C16orf92: variants seen among roughly 807,000 people sequenced by gnomAD.
C16orf92 encodes the protein fertilization-influencing membrane protein 1, also known as fertilization-influencing membrane protein.
In C16orf92, 14 loss-of-function variants were observed where a neutral mutation model predicts 13.7. The observed-to-expected ratio is 1.02, with a 90% CI of 0.67 to 1.60. The LOEUF (loss-of-function observed/expected upper bound fraction) is 1.60. Among genes scored for constraint, C16orf92 ranks in the 40% most tolerant of loss-of-function variants. The pLI is 0.00. For missense variants in C16orf92, 116 were observed against 139.0 expected (o/e 0.83, Z 0.83); for synonymous variants, 50 against 57.4 (o/e 0.87, Z 0.58).
Position 30,024,064 on chromosome 16 carries a change from C to T in C16orf92, c.289C>T (p.Leu97Phe), listed in dbSNP as rs780476731. 6.2e-7 allele frequency: 1 copy of T among 1,613,788 alleles called. No homozygotes were observed. Among genetic ancestry groups the T allele is most frequent in the Non-Finnish European group, 8.5e-7 (1 of 1,179,720 alleles). The change falls in exon 3 of 4, where the codon CTT becomes TTT. Residue 97 changes from leucine to phenylalanine, a missense_variant. Leu to Phe is a conservative substitution (Grantham distance 22). Transcript: ENST00000681219. ...GLLVVAFFFLLFQFCTHINFQ... is the reference protein window; with the variant it reads ...GLLVVAFFFLFFQFCTHINFQ... The stretch of plus-strand genomic sequence containing the variant: ...GCTGGTGGTGGCGTTCTTCTTTCTC[C>T]TTTTCCAGTTCTGCACCCACATGTA...
downstream of C16orf92, chr16:30,025,866 G>A (rs2071106809): frequency 1.3e-6 from 2 of 1,503,780 alleles, no homozygotes; most frequent in African/African-American, 1.4e-5. This position sits in a 1 kb window ranked among gnomAD's most constrained non-coding sequence, Gnocchi z 4.1. Flanking sequence ...CTCTCCCTGG[G>A]TTCTTGGGCA....
downstream of C16orf92, among the ~76,000 whole-genome samples, chr16:30,026,142 G>A (rs2071123391): frequency 6.6e-6 from 1 of 152,136 alleles, no homozygotes; most frequent in Admixed American, 6.5e-5. Context: ...GGCTGAGATG[G>A]GAGAATCACT....
chr16:30,026,232 C>T (rs1361606243), downstream of C16orf92, among the ~76,000 whole-genome samples: 2 of 150,894 alleles, frequency 1.3e-5, no homozygotes, highest in Non-Finnish European at 3.0e-5. Flanking sequence ...GAGACTCCGT[C>T]TTGGAAAGAA....
chr16:30,026,783 G>A (rs146783989), downstream of C16orf92: 9 of 1,614,054 alleles, frequency 5.6e-6, no homozygotes, highest in South Asian at 2.2e-5. Context: ...GGAACATGGC[G>A]TAGATGTCGT....
In C16orf92 at chr16:30,023,384, C is replaced by CACT. The variant is rs2070943579; in HGVS notation, c.46_48dup (p.Leu16dup). ...GTGCTGGTGTGGGTGTGGCTGGCTG[C>CACT]ACTAGGGGCCATAGAAACTGGTAAG... On this transcript the variant is annotated inframe_insertion, in exon 1 of 4. Transcript: ENST00000681219. 1.2e-6 allele frequency: 2 copies of CACT among 1,611,118 alleles called. No individual in the cohort carries two copies. The highest frequency in any genetic ancestry group is 2.2e-5 in the South Asian group (2 of 90,382).
downstream of C16orf92, chr16:30,024,736 C>T (rs2071018900): frequency 5.3e-6 from 1 of 189,310 alleles, no homozygotes; most frequent in Non-Finnish European, 1.1e-5. Flanking sequence ...GCCGTGGTTG[C>T]AGCCGGCCAC....
At chr16:30,026,604 C>A, downstream of C16orf92, 2 of 1,612,220 alleles carry the variant, frequency 1.2e-6, no homozygotes, top group Non-Finnish European at 1.7e-6. Context: ...CTCCCCGGGA[C>A]TCACCACTGA....
downstream of C16orf92, chr16:30,025,153 T>TGGGGAG (rs903705852): frequency 3.2e-5 from 41 of 1,283,286 alleles, no homozygotes; most frequent in East Asian, 2.2e-4. This position sits in a 1 kb window ranked among gnomAD's most constrained non-coding sequence, Gnocchi z 4.1. Flanking sequence ...GGGGTGGGGG[T>TGGGGAG]GGGGAGGGGG....
Position 30,024,398 on chromosome 16 carries a change from C to T in C16orf92, c.*171C>T, listed in dbSNP as rs2150968982. ...GCCCCCCACCTCCTCCCTTCCCAGCCCCAAAGAACTTGGTGGCAAGGGCCT... is the reference window on the plus strand; with the variant it reads ...GCCCCCCACCTCCTCCCTTCCCAGCTCCAAAGAACTTGGTGGCAAGGGCCT... On this transcript the variant is annotated 3_prime_UTR_variant, in exon 4 of 4. Coordinates refer to ENST00000681219, the MANE Select transcript of C16orf92 (RefSeq NM_001109659.2). The T allele has an allele frequency of 1.1e-6, 1 of 939,616 alleles. No individual in the cohort carries two copies. The highest frequency in any genetic ancestry group is 1.7e-5 in the African/African-American group (1 of 60,046). 58.2% of individuals were successfully genotyped at this position (939,616 alleles called of 1,614,324 possible).
chr16:30,024,303 C>T lies in C16orf92; in HGVS notation c.*76C>T. The T allele has an allele frequency of 6.5e-7, 1 of 1,538,314 alleles. No homozygotes were observed. Among genetic ancestry groups the T allele is most frequent in the South Asian group, 1.1e-5 (1 of 88,092 alleles). ...TCTCCTGTTGATGAGCAAAAGTTCCCTGCTTTCCTCCTCCCTGACTGCCCA... is the reference window on the plus strand; with the variant it reads ...TCTCCTGTTGATGAGCAAAAGTTCCTTGCTTTCCTCCTCCCTGACTGCCCA... On this transcript the variant is annotated 3_prime_UTR_variant, in exon 4 of 4. Coordinates refer to ENST00000681219, the MANE Select transcript of C16orf92 (RefSeq NM_001109659.2).
In C16orf92 at chr16:30,024,198, C is replaced by A. The variant is rs954444169; in HGVS notation, c.312-8C>A. 7 of 1,613,934 alleles carry A rather than the reference C, an allele frequency of 4.3e-6. No individual in the cohort carries two copies. Among genetic ancestry groups the A allele is most frequent in the Non-Finnish European group, 5.9e-6 (7 of 1,179,912 alleles). On this transcript the variant is annotated splice_polypyrimidine_tract_variant and splice_region_variant and intron_variant, in intron 3 of 3. Coordinates refer to ENST00000681219, the MANE Select transcript of C16orf92 (RefSeq NM_001109659.2). Reference sequence around the variant, plus strand: ...TGACCTCTCCCCTCTGATCTCCATGCCCCACAGAAACTTCCAGAAAGGGGC... The same window carrying A: ...TGACCTCTCCCCTCTGATCTCCATGACCCACAGAAACTTCCAGAAAGGGGC...
At chr16:30,026,961 T>A, downstream of C16orf92, 1 of 838,418 alleles carries the variant, frequency 1.2e-6, no homozygotes, top group South Asian at 1.5e-5. Context: ...TGGGTACAGA[T>A]GAGGGATCCA....
chr16:30,025,648 C>T (rs1484794104), downstream of C16orf92: 4 of 1,526,808 alleles, frequency 2.6e-6, no homozygotes, highest in South Asian at 4.5e-5. The surrounding 1 kb of genome is among the most constrained non-coding windows in gnomAD (Gnocchi z 4.1). Flanking sequence ...GGCTAGAGCC[C>T]TTGGCAGCAA....
At chr16:30,023,953 T>G (rs2070967186) in intron 2 of C16orf92, 46 bp from the exon 3 acceptor site, 1 of 1,592,674 alleles carries the variant, frequency 6.3e-7, no homozygotes, top group African/African-American at 1.3e-5. Context: ...CCCAGACCCT[T>G]CATTGGGCCA....
At position 30,024,549 on chromosome 16, in the gene C16orf92, C is replaced by T. The variant is rs755843733; in HGVS notation, c.*322C>T. The T allele has an allele frequency of 1.3e-4, 54 of 411,810 alleles. No homozygotes were observed. The highest frequency in any genetic ancestry group is 1.9e-4 in the Non-Finnish European group (43 of 229,244). 25.5% of individuals were successfully genotyped at this position (411,810 alleles called of 1,614,324 possible). A position where few individuals can be genotyped will look rare whatever the true frequency, so the allele number is the denominator to read the frequency against. On this transcript the variant is annotated 3_prime_UTR_variant, in exon 4 of 4. Coordinates refer to ENST00000681219, the MANE Select transcript of C16orf92 (RefSeq NM_001109659.2). Reference sequence around the variant, plus strand: ...CCAGGGACATGGCAGGGCCCGAGGGCGCGATGTGCAGCCGATGGTGAGGGA... The same window carrying T: ...CCAGGGACATGGCAGGGCCCGAGGGTGCGATGTGCAGCCGATGGTGAGGGA...
intron 1 of C16orf92, 133 bp from the exon 2 acceptor site, chr16:30,023,594 A>C: frequency 6.5e-7 from 1 of 1,536,574 alleles, no homozygotes; most frequent in South Asian, 1.2e-5. Flanking sequence ...GCTGACCCTG[A>C]GGGAAATCAA....
At chr16:30,025,417 C>T (rs764640603), downstream of C16orf92, 2 of 1,612,182 alleles carry the variant, frequency 1.2e-6, no homozygotes, top group Admixed American at 1.7e-5. This position sits in a 1 kb window ranked among gnomAD's most constrained non-coding sequence, Gnocchi z 4.1. Flanking sequence ...GGAAGCTGAG[C>T]AGCATCAGGG....
intron 1 of C16orf92, 110 bp from the exon 2 acceptor site, chr16:30,023,617 C>T: frequency 6.3e-7 from 1 of 1,580,340 alleles, no homozygotes. Flanking sequence ...CCCTCCACAG[C>T]CTCTGCAATA....
At chr16:30,025,851 T>TG (rs764985473), downstream of C16orf92, 12 of 1,580,994 alleles carry the variant, frequency 7.6e-6, no homozygotes, top group South Asian at 1.3e-4. This position sits in a 1 kb window ranked among gnomAD's most constrained non-coding sequence, Gnocchi z 4.1. Flanking sequence ...GGTGAGGAGC[T>TG]GGGGCTCTCC....
Sources: gnomAD v4.1 joint callset for allele counts (sites outside exome capture counted in the v4.1 genomes callset) on GRCh38, gnomAD v4.1.1 for gene constraint, Gnocchi (gnomAD v3.1) non-coding constraint, MANE v1.5 for transcripts, NCBI Gene and HGNC (gene_info 2026-07-23, HGNC 2026-07-21) for gene names.